Variants in EPB41L5 observed in about 807,000 individuals in gnomAD.
EPB41L5 encodes band 4.1-like protein 5.
A neutral mutation model predicts 106.6 loss-of-function variants in EPB41L5; 55 were observed. The ratio of observed to expected loss-of-function variants is 0.52; its 90% CI spans 0.42 to 0.65. EPB41L5 has a LOEUF of 0.65. Ranked by LOEUF, EPB41L5 falls within the 30% of genes least tolerant of loss-of-function variation. The pLI is 0.00. For synonymous variants in EPB41L5, 297 were observed against 306.7 expected, an observed-to-expected ratio of 0.97 and a Z score of 0.33; for missense variants, 871 against 882.1, an observed-to-expected ratio of 0.99 and a Z score of 0.16.
intron 3 of EPB41L5, among the ~76,000 whole-genome samples, chr2:120,057,271 G>A (rs1337532724): frequency 2.0e-5 from 3 of 152,186 alleles, no homozygotes; most frequent in African/African-American, 7.2e-5. Context: ...TAAGCTGCCA[G>A]TATTATTCTG....
intron 18 of EPB41L5, among the ~76,000 whole-genome samples, chr2:120,138,440 AAAC>A (rs895749792): frequency 1.3e-5 from 2 of 151,966 alleles, no homozygotes; most frequent in African/African-American, 4.8e-5. Context: ...TATTTGGAAA[AAAC>A]TAAAGAAAAA....
chr2:120,049,405 A>T (rs898132284), intron 3 of EPB41L5, among the ~76,000 whole-genome samples: 2 of 151,974 alleles, frequency 1.3e-5, no homozygotes, highest in African/African-American at 4.8e-5. Context: ...TGATCCCTTT[A>T]CCATTATGTA....
intron 18 of EPB41L5, among the ~76,000 whole-genome samples, chr2:120,141,428 CAG>C (rs150684602): frequency 0.046 from 6,952 of 152,116 alleles, 230 homozygotes; most frequent in Non-Finnish European, 0.071. Flanking sequence ...ATTGGAATGA[CAG>C]ACTGGGTTTA....
intron 24 of EPB41L5, among the ~76,000 whole-genome samples, chr2:120,171,956 G>A (rs1039388021): frequency 6.6e-6 from 1 of 151,420 alleles, no homozygotes; most frequent in East Asian, 1.9e-4. Context: ...CAAAATCATA[G>A]TATCTGAATT....
intron 2 of EPB41L5, among the ~76,000 whole-genome samples, chr2:120,035,018 G>C (rs1473242721): frequency 6.6e-6 from 1 of 152,070 alleles, no homozygotes; most frequent in Non-Finnish European, 1.5e-5. Context: ...CAGTTGGTTT[G>C]TTTTATTATT....
At chr2:120,018,940 C>G in intron 1 of EPB41L5, 137 bp from the exon 2 acceptor site, 5 of 739,302 alleles carry the variant, frequency 6.8e-6, no homozygotes, top group Non-Finnish European at 1.1e-5. Context: ...GTCACTGCAC[C>G]CAGCCCAGGT....
In EPB41L5 at chr2:120,119,321, G is replaced by GT. The variant is rs1397324607; in HGVS notation, c.1338-8361dup. On this transcript the variant is annotated intron_variant, in intron 16 of 24. Coordinates refer to ENST00000263713, the MANE Select transcript of EPB41L5 (RefSeq NM_020909.4). ...TTTTTTTTTGTTTGTCTTTGTTTTT[G>GT]TTTTTTGTTTTTGCTGTACAGAAGC... Among the ~76,000 whole-genome samples the GT allele has an allele frequency of 4.0e-5, 6 of 151,596 alleles. No individual in the cohort carries two copies. In the South Asian group the frequency reaches 6.2e-4, roughly 16 times the overall value.
At chr2:120,028,104 TC>T (rs1239620416) in intron 2 of EPB41L5, among the ~76,000 whole-genome samples, 10 of 152,064 alleles carry the variant, frequency 6.6e-5, no homozygotes, top group African/African-American at 1.9e-4. Flanking sequence ...CCTCAGGTGA[TC>T]CACCCGCCTC....
intron 3 of EPB41L5, among the ~76,000 whole-genome samples, chr2:120,058,220 T>G (rs1680790030): frequency 6.6e-6 from 1 of 152,202 alleles, no homozygotes; most frequent in Non-Finnish European, 1.5e-5. Context: ...TTGCTGTCTG[T>G]GTCTGCCCAG....
chr2:120,131,476 A>G, intron 17 of EPB41L5, 142 bp from the exon 18 acceptor site: 2 of 609,834 alleles, frequency 3.3e-6, no homozygotes, highest in South Asian at 2.1e-5. Flanking sequence ...AAGAAAATAT[A>G]TTTATTTTGT....
chr2:120,013,368 G>T (rs907329744), intron 1 of EPB41L5, 158 bp downstream of exon 1: 3 of 152,152 alleles, frequency 2.0e-5, no homozygotes, highest in Non-Finnish European at 4.4e-5. Context: ...TCTCTCGTCG[G>T]GCCGGCAGGG....
intron 1 of EPB41L5, among the ~76,000 whole-genome samples, chr2:120,014,242 T>C (rs1421016108): frequency 1.3e-5 from 2 of 152,256 alleles, no homozygotes; most frequent in African/African-American, 4.8e-5. Context: ...TTGGGTACTT[T>C]TTTTAACCAA....
At chr2:120,035,091 C>T (rs1312925166) in intron 2 of EPB41L5, among the ~76,000 whole-genome samples, 3 of 152,150 alleles carry the variant, frequency 2.0e-5, no homozygotes, top group African/African-American at 7.2e-5. Context: ...GATTTGTTTT[C>T]TCTAGGTAAT....
At chr2:120,143,198 C>T in intron 19 of EPB41L5, 67 bp downstream of exon 19, 3 of 1,383,388 alleles carry the variant, frequency 2.2e-6, no homozygotes, top group Admixed American at 2.5e-5. Context: ...AGTTGCCTTC[C>T]CCAACTCTAA....
intron 21 of EPB41L5, among the ~76,000 whole-genome samples, chr2:120,162,056 C>T (rs1687159347): frequency 6.6e-6 from 1 of 152,200 alleles, no homozygotes; most frequent in African/African-American, 2.4e-5. Context: ...TCTCAAACTC[C>T]TGCCTTCAAG....
chr2:120,102,408 CATA>C (rs1435292523), intron 16 of EPB41L5, among the ~76,000 whole-genome samples: 2 of 152,090 alleles, frequency 1.3e-5, no homozygotes, highest in African/African-American at 4.8e-5. Context: ...CTCTTTATAA[CATA>C]ATAAGCCTCA....
chr2:120,099,748 G>A (rs1244154490), intron 14 of EPB41L5, among the ~76,000 whole-genome samples: 1 of 152,128 alleles, frequency 6.6e-6, no homozygotes, highest in Non-Finnish European at 1.5e-5. Context: ...TTTAGAACGT[G>A]TTTATAAGTC....
intron 1 of EPB41L5, among the ~76,000 whole-genome samples, chr2:120,015,312 G>A (rs1200773155): frequency 1.3e-5 from 2 of 149,712 alleles, no homozygotes; most frequent in Non-Finnish European, 3.0e-5. Flanking sequence ...GGGCAACAGA[G>A]CGAGACTCAA....
intron 16 of EPB41L5, among the ~76,000 whole-genome samples, chr2:120,123,937 C>T (rs1460142786): frequency 6.6e-6 from 1 of 152,080 alleles, no homozygotes; most frequent in African/African-American, 2.4e-5. Context: ...GGATTACAGG[C>T]GTGAGCCACT....
Sources: allele counts gnomAD v4.1 joint callset (sites outside exome capture counted in the v4.1 genomes callset), GRCh38; gene constraint gnomAD v4.1.1; transcripts MANE v1.5; gene names NCBI Gene and HGNC (gene_info 2026-07-23, HGNC 2026-07-21).